The following SH2D4A variants were observed in gnomAD, a reference collection of about 807,000 sequenced individuals.
SH2D4A encodes the protein SH2 domain containing 4A.
Under a neutral mutation model 64.7 loss-of-function variants are expected in SH2D4A, and 70 were observed. The ratio of observed to expected loss-of-function variants is 1.08; its 90% confidence interval spans 0.89 to 1.32. The LOEUF (loss-of-function observed/expected upper bound fraction) is 1.32, where lower values mean the gene tolerates loss of function less well. Among genes scored for constraint, SH2D4A ranks in the 40% most tolerant of loss-of-function variants. SH2D4A has a pLI of 0.00. For synonymous variants in SH2D4A, 268 were observed against 200.7 expected (o/e 1.34, Z -2.83); for missense variants, 706 against 540.1 (o/e 1.31, Z -3.04).
intron 5 of SH2D4A, among the ~76,000 whole-genome samples, chr8:19,358,410 A>G (rs998525581): frequency 1.3e-5 from 2 of 152,208 alleles, no homozygotes; most frequent in African/African-American, 4.8e-5. Context: ...AGGAAAATAA[A>G]GCAGTATGAG....
chr8:19,375,850 C>A (rs796325642), intron 8 of SH2D4A, among the ~76,000 whole-genome samples: 1 of 152,032 alleles, frequency 6.6e-6, no homozygotes, highest in Non-Finnish European at 1.5e-5. Flanking sequence ...AGTTGGTATC[C>A]CATAAATTTA....
intron 4 of SH2D4A, among the ~76,000 whole-genome samples, chr8:19,335,639 T>C (rs906798118): frequency 2.0e-5 from 3 of 152,218 alleles, no homozygotes; most frequent in Non-Finnish European, 4.4e-5. Flanking sequence ...AGATTTGGCC[T>C]GTTCATGATT....
At chr8:19,374,686 T>G (rs1432567471) in intron 8 of SH2D4A, among the ~76,000 whole-genome samples, 1 of 152,304 alleles carries the variant, frequency 6.6e-6, no homozygotes, top group East Asian at 1.9e-4. Context: ...TATGTGTTCT[T>G]TGGTGATTCA....
chr8:19,323,724 A>T (rs1046112079), intron 2 of SH2D4A, among the ~76,000 whole-genome samples: 1 of 152,136 alleles, frequency 6.6e-6, no homozygotes, highest in Non-Finnish European at 1.5e-5. Flanking sequence ...AGTGATAGTT[A>T]TGGATGTGGT....
intron 8 of SH2D4A, among the ~76,000 whole-genome samples, chr8:19,385,720 A>G (rs574560169): frequency 9.9e-5 from 15 of 152,262 alleles, no homozygotes; most frequent in African/African-American, 3.1e-4. Context: ...ACCACCCCCA[A>G]CAGAGCATAT....
chr8:19,359,727 A>G (rs1361187715), intron 5 of SH2D4A, among the ~76,000 whole-genome samples: 12 of 144,576 alleles, frequency 8.3e-5, no homozygotes, highest in Admixed American at 8.0e-4. Flanking sequence ...AATGCACAGA[A>G]GTTTAGTTAC....
At chr8:19,370,755 G>C (rs1250070592) in intron 7 of SH2D4A, among the ~76,000 whole-genome samples, 4 of 151,976 alleles carry the variant, frequency 2.6e-5, no homozygotes, top group African/African-American at 4.8e-5. Flanking sequence ...GATATGTAAG[G>C]GCTTACTATG....
intron 6 of SH2D4A, among the ~76,000 whole-genome samples, chr8:19,362,121 A>ATATT (rs2052900841): frequency 2.0e-5 from 3 of 152,358 alleles, no homozygotes; most frequent in African/African-American, 7.2e-5. Context: ...AGGTATGGCT[A>ATATT]TATTTGCAGG....
At chr8:19,383,929 T>C (rs1374854444) in intron 8 of SH2D4A, among the ~76,000 whole-genome samples, 1 of 152,236 alleles carries the variant, frequency 6.6e-6, no homozygotes, top group Non-Finnish European at 1.5e-5. Flanking sequence ...ATCTATGTCA[T>C]AGGGTTGTTT....
chr8:19,363,664 A>G, intron 6 of SH2D4A: 1 of 259,150 alleles, frequency 3.9e-6, no homozygotes, highest in East Asian at 9.4e-5. Flanking sequence ...TGAGTCAAGC[A>G]CACTGCATCT....
intron 4 of SH2D4A, among the ~76,000 whole-genome samples, chr8:19,349,278 A>G (rs1046126747): frequency 6.6e-6 from 1 of 152,234 alleles, no homozygotes; most frequent in Non-Finnish European, 1.5e-5. Context: ...TAACTGTAAT[A>G]GAATTTCACG....
chr8:19,393,435 AC>A lies in SH2D4A; in HGVS notation c.1167del (p.Asp389GlufsTer104). ...TATGCCCTGTCCTATCTGTCGGAGG[AC>A]GGCTGTAAACATTTCCTCATCGATG... ...KGYALSYLSEDGCKHFLIDAS... is the reference protein window; with the variant it reads ...KGYALSYLSEXGCKHFLIDAS... On this transcript the variant is annotated frameshift_variant, in exon 9 of 10. Coordinates refer to ENST00000265807, the MANE Select transcript of SH2D4A (RefSeq NM_022071.4). LOFTEE classifies it high-confidence loss of function. 1 of 1,614,186 alleles carries A rather than the reference AC, an allele frequency of 6.2e-7. No individual in the cohort carries two copies. The highest frequency in any genetic ancestry group is 1.1e-5 in the South Asian group (1 of 91,086).
intron 2 of SH2D4A, among the ~76,000 whole-genome samples, chr8:19,329,030 C>G (rs962040231): frequency 6.6e-6 from 1 of 152,196 alleles, no homozygotes; most frequent in Admixed American, 6.5e-5. Flanking sequence ...ATGCCACACA[C>G]GTGCAGGTGA....
intron 1 of SH2D4A, among the ~76,000 whole-genome samples, chr8:19,314,905 T>C (rs983388235): frequency 2.6e-5 from 4 of 152,182 alleles, no homozygotes; most frequent in Non-Finnish European, 4.4e-5. Context: ...GGTAGATGAA[T>C]AAGATAAAGT....
At chr8:19,367,829 A>G (rs1314238698) in intron 7 of SH2D4A, among the ~76,000 whole-genome samples, 1 of 152,050 alleles carries the variant, frequency 6.6e-6, no homozygotes, top group South Asian at 2.1e-4. Context: ...TAATCCCAGC[A>G]CTTTGGGAGG....
rs2052389247 is a variant in SH2D4A at position 19,333,054 on chromosome 8, G to A, written c.281G>A (p.Cys94Tyr). 2 of 1,613,938 alleles carry A rather than the reference G, an allele frequency of 1.2e-6. No individual in the cohort carries two copies. The highest frequency in any genetic ancestry group is 1.3e-5 in the African/African-American group (1 of 74,920). ...HHLDKPYDVL[C>Y]NEIIAERARL... ...CTAGATAAACCCTATGATGTGCTCT[G>A]TAATGAAATTATTGCTGAGAGGGCC... Residue 94 changes from cysteine to tyrosine, a missense_variant, in exon 3 of 10, where the codon TGT becomes TAT. Cys to Tyr is a radical substitution (Grantham distance 194). Transcript: ENST00000265807.
Position 19,319,383 on chromosome 8 carries a change from G to C in SH2D4A, c.-165G>C, listed in dbSNP as rs891038822. 2 of 1,278,570 alleles carry C rather than the reference G, an allele frequency of 1.6e-6. No homozygotes were observed. The highest frequency in any genetic ancestry group is 2.0e-6 in the Non-Finnish European group (2 of 1,011,390). The allele number at this position is 1,278,570 out of a possible 1,614,324, so 79.2% of individuals were successfully genotyped here. A position where few individuals can be genotyped will look rare whatever the true frequency, so the allele number is the denominator to read the frequency against. ...ATTTTGGACAGGACATTTGGTGCCA[G>C]GTCTGAGTAGCCAGTTTGCTGAATT... On this transcript the variant is annotated 5_prime_UTR_variant, in exon 2 of 10. Transcript: ENST00000265807.
At chr8:19,379,790 G>C (rs565861994) in intron 8 of SH2D4A, among the ~76,000 whole-genome samples, 1 of 152,050 alleles carries the variant, frequency 6.6e-6, no homozygotes, top group African/African-American at 2.4e-5. Flanking sequence ...AGGCTGGAGC[G>C]CAGTGGCACA....
chr8:19,345,982 G>T (rs761459119), intron 4 of SH2D4A, among the ~76,000 whole-genome samples: 1 of 152,222 alleles, frequency 6.6e-6, no homozygotes, highest in Non-Finnish European at 1.5e-5. Context: ...TCCAGTCTCA[G>T]AGTATCTTTC....
Sources: allele counts gnomAD v4.1 joint callset (sites outside exome capture counted in the v4.1 genomes callset), GRCh38; gene constraint gnomAD v4.1.1; transcripts MANE v1.5; gene names NCBI Gene and HGNC (gene_info 2026-07-23, HGNC 2026-07-21).